C10orf90: variants seen among roughly 807,000 people sequenced by gnomAD.
The protein encoded by C10orf90 is (E2-independent) E3 ubiquitin-conjugating enzyme FATS.
A neutral mutation model predicts 62.5 loss-of-function variants in C10orf90; 56 were observed. That is an observed-to-expected ratio of 0.90 (90% CI 0.72 to 1.12). The LOEUF (loss-of-function observed/expected upper bound fraction) is 1.12, where lower values mean the gene tolerates loss of function less well. C10orf90 is among the 50% of genes most tolerant of loss of function. The pLI, the probability that C10orf90 is intolerant of heterozygous loss-of-function variation, is 0.00. For missense variants in C10orf90, 970 were observed against 880.4 expected (o/e 1.10, Z -1.29); for synonymous variants, 386 against 340.4 (o/e 1.13, Z -1.47).
At chr10:126,429,703 G>T in intron 8 of C10orf90, 84 bp downstream of exon 8, 5 of 1,055,692 alleles carry the variant, frequency 4.7e-6, no homozygotes, top group Non-Finnish European at 7.3e-6. Flanking sequence ...TAGAAGCAGT[G>T]GTCCCATTGG....
chr10:126,568,270 A>G (rs1446437744), intron 2 of C10orf90, among the ~76,000 whole-genome samples: 1 of 152,192 alleles, frequency 6.6e-6, no homozygotes, highest in East Asian at 1.9e-4. Flanking sequence ...CCCGTTAGCC[A>G]GGGCTGGTTC....
intron 2 of C10orf90, among the ~76,000 whole-genome samples, chr10:126,561,655 C>T (rs932666542): frequency 2.0e-5 from 3 of 152,076 alleles, no homozygotes; most frequent in Non-Finnish European, 4.4e-5. Context: ...ATGTCATCTC[C>T]TGGAACTGCA....
At chr10:126,465,190 A>G (rs1377691398) in intron 4 of C10orf90, among the ~76,000 whole-genome samples, 12 of 152,088 alleles carry the variant, frequency 7.9e-5, no homozygotes, top group Non-Finnish European at 1.6e-4. Context: ...TTAGGAGCTC[A>G]TATTACATTA....
chr10:126,577,225 G>A (rs1404591463), intron 2 of C10orf90, among the ~76,000 whole-genome samples: 1 of 151,716 alleles, frequency 6.6e-6, no homozygotes, highest in South Asian at 2.1e-4. Context: ...CCTATGCATT[G>A]TATATATCAA....
chr10:126,427,778 C>A lies in C10orf90; in HGVS notation c.2253-1688G>T, dbSNP rs551089901. Among the ~76,000 whole-genome samples, 181 of 152,300 alleles carry A rather than the reference C, an allele frequency of 1.2e-3. 1 individual carries two copies. The highest frequency in any genetic ancestry group is 3.9e-3 in the African/African-American group (164 of 41,562). On this transcript the variant is annotated intron_variant, in intron 8 of 9. Transcript: ENST00000488181. ...GCTGTTGGTTTCTCTGGTTTTAAGG[C>A]TTTTGACTTGGACTGAGCCACTACT...
intron 4 of C10orf90, among the ~76,000 whole-genome samples, chr10:126,466,330 G>A (rs529436395): frequency 1.5e-4 from 22 of 151,384 alleles, no homozygotes; most frequent in East Asian, 9.7e-4. Context: ...TGGCTAACAC[G>A]GTGAAATCCC....
intron 2 of C10orf90, among the ~76,000 whole-genome samples, chr10:126,565,428 T>TA (rs1844360011): frequency 8.1e-5 from 1 of 12,366 alleles, no homozygotes; most frequent in African/African-American, 1.8e-4. Flanking sequence ...ATATATATTA[T>TA]ATATATTATA....
intron 4 of C10orf90, among the ~76,000 whole-genome samples, chr10:126,499,555 C>T (rs1484810188): frequency 6.6e-6 from 1 of 152,136 alleles, no homozygotes; most frequent in East Asian, 1.9e-4. Flanking sequence ...TTGTTATCTG[C>T]CCTTGAGTGG....
At chr10:126,476,869 G>A (rs906878125) in intron 4 of C10orf90, among the ~76,000 whole-genome samples, 2 of 151,558 alleles carry the variant, frequency 1.3e-5, no homozygotes, top group African/African-American at 2.4e-5. Context: ...CCTAAGAAGG[G>A]AGGGATTTCT....
At chr10:126,565,433 ATT>A (rs1844360808) in intron 2 of C10orf90, among the ~76,000 whole-genome samples, 1 of 8,914 alleles carries the variant, frequency 1.1e-4, no homozygotes, top group African/African-American at 2.9e-4. Context: ...TATTATATAT[ATT>A]ATACACACAC....
At chr10:126,602,932 T>G (rs573531635) in intron 2 of C10orf90, among the ~76,000 whole-genome samples, 72 of 151,752 alleles carry the variant, frequency 4.7e-4, no homozygotes, top group Non-Finnish European at 6.3e-4. Context: ...ACCTGCAGAT[T>G]GGCAACTCGG....
chr10:126,620,336 C>T (rs1280501232), intron 2 of C10orf90, among the ~76,000 whole-genome samples: 1 of 152,162 alleles, frequency 6.6e-6, no homozygotes, highest in Non-Finnish European at 1.5e-5. Context: ...ATTGCTGTGG[C>T]CCCTGTGCCA....
At chr10:126,512,619 A>G (rs1863196307) in intron 3 of C10orf90, among the ~76,000 whole-genome samples, 1 of 152,080 alleles carries the variant, frequency 6.6e-6, no homozygotes, top group Non-Finnish European at 1.5e-5. Context: ...AATCGCCCCC[A>G]TGCCCTTCCC....
chr10:126,487,845 A>C (rs1861522665), intron 4 of C10orf90, among the ~76,000 whole-genome samples: 1 of 152,202 alleles, frequency 6.6e-6, no homozygotes, highest in Non-Finnish European at 1.5e-5. Flanking sequence ...AAAAAGCAAA[A>C]CAAGATACAA....
chr10:126,496,784 A>G (rs1862083840), intron 4 of C10orf90: 1 of 902,924 alleles, frequency 1.1e-6, no homozygotes, highest in African/African-American at 1.8e-5. Context: ...TGACATAAGC[A>G]TGGGCTTTGT....
At chr10:126,491,338 T>G (rs1227769010) in intron 4 of C10orf90, among the ~76,000 whole-genome samples, 1 of 152,202 alleles carries the variant, frequency 6.6e-6, no homozygotes, top group Non-Finnish European at 1.5e-5. Flanking sequence ...TGCAAAAAGA[T>G]TAAACCTTTT....
chr10:126,547,846 T>A (rs902413088), intron 2 of C10orf90, among the ~76,000 whole-genome samples: 4 of 151,586 alleles, frequency 2.6e-5, no homozygotes, highest in Non-Finnish European at 5.9e-5. Flanking sequence ...TGAGAGAAAA[T>A]AGCCTGAAAA....
intron 2 of C10orf90, among the ~76,000 whole-genome samples, chr10:126,610,035 C>G (rs1395573531): frequency 6.6e-6 from 1 of 152,174 alleles, no homozygotes; most frequent in African/African-American, 2.4e-5. Flanking sequence ...CAGGGGCCCT[C>G]AGGATCATGA....
At chr10:126,542,570 G>A (rs893463863) in intron 2 of C10orf90, among the ~76,000 whole-genome samples, 28 of 152,126 alleles carry the variant, frequency 1.8e-4, no homozygotes, top group Non-Finnish European at 1.0e-4. Flanking sequence ...AAAAGTGTTT[G>A]TTGCATAGCA....
Sources: gnomAD v4.1 joint callset for allele counts (sites outside exome capture counted in the v4.1 genomes callset) on GRCh38, gnomAD v4.1.1 for gene constraint, MANE v1.5 for transcripts, NCBI Gene and HGNC (gene_info 2026-07-23, HGNC 2026-07-21) for gene names.